The following SEZ6L variants were observed in gnomAD, a reference collection of about 807,000 sequenced individuals.
SEZ6L encodes the protein seizure related 6 homolog like, also known as seizure 6-like protein.
A neutral mutation model predicts 106.2 loss-of-function variants in SEZ6L; 37 were observed. The ratio of observed to expected loss-of-function variants is 0.35; its 90% CI spans 0.27 to 0.46. The LOEUF is 0.46. Among genes scored for constraint, SEZ6L ranks in the 20% least tolerant of loss-of-function variants. The probability of loss-of-function intolerance (pLI) is 1.00; values close to 1 mark genes in which losing one functional copy is unlikely to be tolerated. For synonymous variants in SEZ6L, 541 were observed against 570.4 expected (o/e 0.95, Z 0.73); for missense variants, 1,172 against 1,332.8 (o/e 0.88, Z 1.88).
At chr22:26,379,075 G>A (rs181739013) in intron 16 of SEZ6L, among the ~76,000 whole-genome samples, 12 of 152,296 alleles carry the variant, frequency 7.9e-5, no homozygotes, top group Admixed American at 7.8e-4. Flanking sequence ...GCTCAACCAG[G>A]GAAGGATCCA....
intron 15 of SEZ6L, among the ~76,000 whole-genome samples, chr22:26,376,477 C>T (rs1011031433): frequency 6.6e-6 from 1 of 152,084 alleles, no homozygotes; most frequent in South Asian, 2.1e-4. Context: ...CGTGGTGGCT[C>T]ACACCTGTAA....
At chr22:26,344,444 G>A (rs928828957) in intron 10 of SEZ6L, among the ~76,000 whole-genome samples, 3 of 152,222 alleles carry the variant, frequency 2.0e-5, no homozygotes, top group East Asian at 3.8e-4. Context: ...GCTCCATATT[G>A]TAAGTCAACT....
At chr22:26,299,272 C>G in intron 5 of SEZ6L, 103 bp downstream of exon 5, 2 of 989,110 alleles carry the variant, frequency 2.0e-6, no homozygotes, top group South Asian at 3.6e-5. Context: ...GCTTTCAGCC[C>G]AGGGGAAGAA....
intron 1 of SEZ6L, among the ~76,000 whole-genome samples, chr22:26,282,433 A>G (rs2080801484): frequency 6.6e-6 from 1 of 152,200 alleles, no homozygotes; most frequent in South Asian, 2.1e-4. Context: ...GTTTCAGTGA[A>G]GCCTCTTTTG....
rs76686645 is a variant in SEZ6L at position 26,248,905 on chromosome 22, A to C, written c.95-43501A>C. 6.0e-3 allele frequency among the ~76,000 whole-genome samples: 916 copies of C among 151,888 alleles called. 11 individuals carry two copies. The highest frequency in any genetic ancestry group is 0.02 in the African/African-American group (836 of 41,524). On this transcript the variant is annotated intron_variant, in intron 1 of 16. Coordinates refer to ENST00000248933, the MANE Select transcript of SEZ6L (RefSeq NM_021115.5). Reference sequence around the variant, plus strand: ...ACTGCCTTCCTAGGGGAACCTGCCCATGCCCCATGCATTTCTTTTCTTTTT... The same window carrying C: ...ACTGCCTTCCTAGGGGAACCTGCCCCTGCCCCATGCATTTCTTTTCTTTTT...
intron 1 of SEZ6L, among the ~76,000 whole-genome samples, chr22:26,176,874 T>C (rs1244157054): frequency 1.3e-5 from 2 of 152,222 alleles, no homozygotes; most frequent in East Asian, 1.9e-4. Flanking sequence ...ATGCCAATTA[T>C]GAATGATCCT....
At chr22:26,354,977 G>A (rs887627348) in intron 12 of SEZ6L, among the ~76,000 whole-genome samples, 4 of 152,260 alleles carry the variant, frequency 2.6e-5, no homozygotes, top group Admixed American at 2.0e-4. Flanking sequence ...GGGAGATAAC[G>A]CAGGAGGCGA....
chr22:26,354,677 T>A (rs1008777000), intron 12 of SEZ6L, among the ~76,000 whole-genome samples: 21 of 152,108 alleles, frequency 1.4e-4, no homozygotes, highest in African/African-American at 3.9e-4. Flanking sequence ...ATCATTTTTT[T>A]AAAAAAGAAA....
intron 1 of SEZ6L, among the ~76,000 whole-genome samples, chr22:26,188,780 G>A (rs1939979859): frequency 6.6e-6 from 1 of 152,216 alleles, no homozygotes; most frequent in Admixed American, 6.5e-5. Context: ...CACGCCAAGT[G>A]TGGTCACTCT....
At chr22:26,341,904 A>G (rs1018339694) in intron 10 of SEZ6L, among the ~76,000 whole-genome samples, 5 of 152,202 alleles carry the variant, frequency 3.3e-5, no homozygotes, top group African/African-American at 7.2e-5. Flanking sequence ...GAGGACTGGG[A>G]CACCATGAAG....
intron 1 of SEZ6L, among the ~76,000 whole-genome samples, chr22:26,197,002 C>A (rs1368877361): frequency 1.3e-5 from 2 of 152,118 alleles, no homozygotes; most frequent in Non-Finnish European, 2.9e-5. Context: ...GTGCATAGGG[C>A]ATGTGGATGC....
intron 9 of SEZ6L, among the ~76,000 whole-genome samples, chr22:26,330,285 T>C (rs911554860): frequency 6.6e-6 from 1 of 152,154 alleles, no homozygotes; most frequent in African/African-American, 2.4e-5. Flanking sequence ...CTTAAGCGTG[T>C]TTCCTCACCT....
chr22:26,373,003 C>T (rs922823450), intron 13 of SEZ6L, among the ~76,000 whole-genome samples: 1 of 152,168 alleles, frequency 6.6e-6, no homozygotes. Flanking sequence ...AACCAGAGAG[C>T]TTGAGCAGCC....
chr22:26,209,048 C>A (rs983805437), intron 1 of SEZ6L, among the ~76,000 whole-genome samples: 2 of 152,050 alleles, frequency 1.3e-5, no homozygotes, highest in African/African-American at 4.8e-5. Flanking sequence ...TTTTAAGCTC[C>A]ATCAGTGAAT....
At chr22:26,346,172 C>T (rs918517244) in intron 10 of SEZ6L, among the ~76,000 whole-genome samples, 46 of 151,974 alleles carry the variant, frequency 3.0e-4, no homozygotes, top group Non-Finnish European at 6.3e-4. Context: ...GGACTACAAA[C>T]ACGTGCCATC....
chr22:26,369,912 C>T (rs1039193493), intron 13 of SEZ6L, among the ~76,000 whole-genome samples: 6 of 152,072 alleles, frequency 3.9e-5, no homozygotes, highest in Admixed American at 3.3e-4. Flanking sequence ...CCATCATACC[C>T]GACCTGAATT....
chr22:26,208,850 C>CTGTGTGTGTGTG (rs35483380), intron 1 of SEZ6L, among the ~76,000 whole-genome samples: 3 of 111,694 alleles, frequency 2.7e-5, no homozygotes, highest in Non-Finnish European at 5.6e-5. Context: ...GACTCTCTCT[C>CTGTGTGTGTGTG]TGTGTGTGTG....
intron 1 of SEZ6L, among the ~76,000 whole-genome samples, chr22:26,259,471 C>A (rs957716289): frequency 2.6e-5 from 4 of 152,048 alleles, no homozygotes; most frequent in Non-Finnish European, 4.4e-5. Flanking sequence ...CTCAGCCTAC[C>A]AAGAAAAAGC....
At chr22:26,371,602 AG>A in intron 13 of SEZ6L, among the ~76,000 whole-genome samples, 1 of 152,030 alleles carries the variant, frequency 6.6e-6, no homozygotes, top group African/African-American at 2.4e-5. Flanking sequence ...ACTGCACTCC[AG>A]TCTAGGTGAC....
Sources: gnomAD v4.1 joint callset for allele counts (sites outside exome capture counted in the v4.1 genomes callset) on GRCh38, gnomAD v4.1.1 for gene constraint, MANE v1.5 for transcripts, NCBI Gene and HGNC (gene_info 2026-07-23, HGNC 2026-07-21) for gene names.